The following NRXN3 variants were observed in gnomAD, a reference collection of about 807,000 sequenced individuals.
The protein encoded by NRXN3 is neurexin 3.
NRXN3 carries 32 observed loss-of-function variants against 137.6 expected under a neutral mutation model. The ratio of observed to expected loss-of-function variants is 0.23; its 90% confidence interval spans 0.18 to 0.31. The LOEUF (loss-of-function observed/expected upper bound fraction) is 0.31, where lower values mean the gene tolerates loss of function less well. Among genes scored for constraint, NRXN3 ranks in the 10% least tolerant of loss-of-function variants. The pLI is 1.00. For missense variants in NRXN3, 1,574 were observed against 2,062.5 expected (o/e 0.76, Z 4.59); for synonymous variants, 798 against 784.5 (o/e 1.02, Z -0.29).
chr14:79,845,599 A>ACG (rs774788430), intron 20 of NRXN3, among the ~76,000 whole-genome samples: 7 of 147,184 alleles, frequency 4.8e-5, no homozygotes, highest in Non-Finnish European at 6.1e-5. Context: ...AGAGAGAGAG[A>ACG]GAGACAGAGA....
At chr14:78,943,620 AAATATATATATATATATATATATATAT>A (rs1164666073) in intron 10 of NRXN3, among the ~76,000 whole-genome samples, 15 of 32,102 alleles carry the variant, frequency 4.7e-4, no homozygotes, top group South Asian at 2.3e-3. Context: ...TAAAAAAAAA[AAATATATATATATATATATATATATAT>A]ATATATATAT....
chr14:79,191,364 G>A (rs992879095), intron 15 of NRXN3, among the ~76,000 whole-genome samples: 11 of 152,160 alleles, frequency 7.2e-5, no homozygotes, highest in African/African-American at 2.4e-4. Flanking sequence ...GTAGCAGTTC[G>A]TCTAATGGCA....
At chr14:78,338,849 T>C (rs2081819701) in intron 4 of NRXN3, among the ~76,000 whole-genome samples, 1 of 152,192 alleles carries the variant, frequency 6.6e-6, no homozygotes, top group South Asian at 2.1e-4. Context: ...GGCCTCTTCA[T>C]TGTGGTTTCA....
chr14:79,865,409 T>G lies in NRXN3; in HGVS notation c.*3445T>G, dbSNP rs73336398. On this transcript the variant is annotated 3_prime_UTR_variant, in exon 21 of 21. Coordinates refer to ENST00000335750, the MANE Select transcript of NRXN3 (RefSeq NM_001330195.2). ...TGTTCTTCACTGTAATCTAGAAATA[T>G]AGATTTAACTGAACAGCTGTCCTTT... The G allele has an allele frequency of 6.6e-6, 1 of 152,174 alleles. No homozygotes were observed. Among genetic ancestry groups the G allele is most frequent in the Non-Finnish European group, 1.5e-5 (1 of 68,030 alleles). 9.4% of individuals were successfully genotyped at this position (152,174 alleles called of 1,614,324 possible). A position where few individuals can be genotyped will look rare whatever the true frequency, so the allele number is the denominator to read the frequency against.
At chr14:78,881,727 A>G (rs1596897945) in intron 10 of NRXN3, among the ~76,000 whole-genome samples, 3 of 151,824 alleles carry the variant, frequency 2.0e-5, no homozygotes, top group Admixed American at 2.0e-4. Context: ...GAAGCAGAGC[A>G]TAAAAGTTTG....
chr14:78,763,122 C>G (rs1422722722), intron 8 of NRXN3, among the ~76,000 whole-genome samples: 6 of 152,200 alleles, frequency 3.9e-5, no homozygotes. Context: ...AAATATCCTG[C>G]AAAGTGCGGA....
intron 15 of NRXN3, among the ~76,000 whole-genome samples, chr14:79,098,154 A>G (rs2050674444): frequency 6.6e-6 from 1 of 152,094 alleles, no homozygotes; most frequent in Admixed American, 6.6e-5. Flanking sequence ...ATGCTTTATT[A>G]TTGTCGAATT....
chr14:78,393,239 T>C (rs2091004941), intron 4 of NRXN3, among the ~76,000 whole-genome samples: 1 of 152,046 alleles, frequency 6.6e-6, no homozygotes. Flanking sequence ...TAATCGTATA[T>C]TCATAAGCAG....
chr14:78,714,040 A>G (rs2098420882), intron 7 of NRXN3, among the ~76,000 whole-genome samples: 1 of 152,248 alleles, frequency 6.6e-6, no homozygotes, highest in South Asian at 2.1e-4. Flanking sequence ...GAACTATACC[A>G]GAGACAGAAT....
intron 4 of NRXN3, among the ~76,000 whole-genome samples, chr14:78,408,718 C>G (rs755683773): frequency 6.6e-6 from 1 of 152,194 alleles, no homozygotes; most frequent in Non-Finnish European, 1.5e-5. Context: ...TCAGAAAATT[C>G]TCACGAGGGT....
At chr14:79,597,300 A>G (rs2097868012) in intron 16 of NRXN3, among the ~76,000 whole-genome samples, 1 of 152,170 alleles carries the variant, frequency 6.6e-6, no homozygotes, top group Non-Finnish European at 1.5e-5. Flanking sequence ...GCCCAGTGCA[A>G]GTTAACCTGT....
chr14:79,758,049 GT>G (rs1176240559), intron 19 of NRXN3, among the ~76,000 whole-genome samples: 2 of 152,096 alleles, frequency 1.3e-5, no homozygotes, highest in African/African-American at 4.8e-5. Flanking sequence ...GAATTTGCTA[GT>G]TTTTTTGTTT....
At chr14:79,526,053 T>G (rs2097115765) in intron 16 of NRXN3, among the ~76,000 whole-genome samples, 1 of 152,020 alleles carries the variant, frequency 6.6e-6, no homozygotes, top group African/African-American at 2.4e-5. Flanking sequence ...ACCTAATTTT[T>G]TTTCTTTTTT....
chr14:78,307,959 C>T (rs2077538579), intron 4 of NRXN3, among the ~76,000 whole-genome samples: 1 of 151,996 alleles, frequency 6.6e-6, no homozygotes, highest in South Asian at 2.1e-4. Context: ...TTTTTTTCCC[C>T]CAACCCACAC....
rs148456804 is a variant in NRXN3 at position 79,846,309 on chromosome 14, T to G, written c.4094-15033T>G. On this transcript the variant is annotated intron_variant, in intron 20 of 20. Coordinates refer to ENST00000335750, the MANE Select transcript of NRXN3 (RefSeq NM_001330195.2). The stretch of plus-strand genomic sequence containing the variant: ...TTTTAAATATAAAAATAATTTGCTT[T>G]AATGCTGAACAAAAATGTCCCATGT... Among the ~76,000 whole-genome samples, 166 of 152,356 alleles carry G rather than the reference T, an allele frequency of 1.1e-3. 1 individual carries two copies. The highest frequency in any genetic ancestry group is 3.8e-3 in the African/African-American group (158 of 41,586).
chr14:78,933,878 A>C (rs202175501), intron 10 of NRXN3, among the ~76,000 whole-genome samples: 1 of 137,780 alleles, frequency 7.3e-6, no homozygotes, highest in Non-Finnish European at 1.5e-5. Flanking sequence ...TATTTCTCCT[A>C]ACTAACTGAA....
chr14:78,827,559 A>T (rs534946151), intron 10 of NRXN3, among the ~76,000 whole-genome samples: 78 of 152,366 alleles, frequency 5.1e-4, no homozygotes, highest in African/African-American at 1.8e-3. Context: ...TTAATCAGTG[A>T]AAGTGAAACA....
chr14:78,515,404 G>A (rs1477619228), intron 4 of NRXN3, among the ~76,000 whole-genome samples: 1 of 152,050 alleles, frequency 6.6e-6, no homozygotes, highest in Non-Finnish European at 1.5e-5. Context: ...TTTGTTTTGG[G>A]CAGATCACAG....
At chr14:79,038,070 G>T (rs141562826) in intron 15 of NRXN3, among the ~76,000 whole-genome samples, 1 of 152,126 alleles carries the variant, frequency 6.6e-6, no homozygotes. Context: ...ATGAATATTT[G>T]TAAATCCATG....
Sources: gnomAD v4.1 joint callset for allele counts (sites outside exome capture counted in the v4.1 genomes callset) on GRCh38, gnomAD v4.1.1 for gene constraint, MANE v1.5 for transcripts, NCBI Gene and HGNC (gene_info 2026-07-23, HGNC 2026-07-21) for gene names.